Variants in CSGALNACT1 observed in about 807,000 individuals in gnomAD.
The protein encoded by CSGALNACT1 is chondroitin sulfate N-acetylgalactosaminyltransferase 1, also known as beta4GalNAcT-1.
In CSGALNACT1, 52 loss-of-function variants were observed where a neutral mutation model predicts 51.0. The observed-to-expected ratio is 1.02, with a 90% CI of 0.82 to 1.29. The LOEUF (loss-of-function observed/expected upper bound fraction) is 1.29, where lower values mean the gene tolerates loss of function less well. Ranked by LOEUF, CSGALNACT1 falls within the 50% of genes most tolerant of loss-of-function variation. CSGALNACT1 has a pLI of 0.00. For synonymous variants in CSGALNACT1, 341 were observed against 254.4 expected (o/e 1.34, Z -3.24); for missense variants, 935 against 679.2 (o/e 1.38, Z -4.19).
intron 3 of CSGALNACT1, among the ~76,000 whole-genome samples, chr8:19,575,637 A>G (rs1423358524): frequency 6.6e-6 from 1 of 152,256 alleles, no homozygotes; most frequent in Non-Finnish European, 1.5e-5. Context: ...TGGGTATTCT[A>G]GGATACTGAG....
chr8:19,683,391 G>A (rs1177992709), upstream of CSGALNACT1, among the ~76,000 whole-genome samples: 1 of 152,102 alleles, frequency 6.6e-6, no homozygotes, highest in Non-Finnish European at 1.5e-5. Flanking sequence ...TCAGAAAGTA[G>A]AAGCAAGGCA....
chr8:19,564,682 C>T (rs534955728), intron 3 of CSGALNACT1, among the ~76,000 whole-genome samples: 1 of 152,200 alleles, frequency 6.6e-6, no homozygotes, highest in Non-Finnish European at 1.5e-5. Flanking sequence ...AAATCACCTC[C>T]TTCAAGAGGC....
upstream of CSGALNACT1, among the ~76,000 whole-genome samples, chr8:19,687,423 T>C (rs533769779): frequency 3.3e-5 from 5 of 152,304 alleles, no homozygotes; most frequent in Admixed American, 6.5e-5. Flanking sequence ...AAATATATTA[T>C]ATATGTGCAT....
At chr8:19,458,308 G>A in intron 5 of CSGALNACT1, 118 bp downstream of exon 4, 1 of 913,508 alleles carries the variant, frequency 1.1e-6, no homozygotes, top group South Asian at 1.3e-5. Flanking sequence ...AAACAGAGCT[G>A]AATAAGAGAA....
At chr8:19,605,547 A>T (rs2051251736), upstream of CSGALNACT1, among the ~76,000 whole-genome samples, 1 of 152,168 alleles carries the variant, frequency 6.6e-6, no homozygotes, top group Non-Finnish European at 1.5e-5. Flanking sequence ...TGGCACAGAG[A>T]GTGAGGATTC....
intron 1 of CSGALNACT1, among the ~76,000 whole-genome samples, chr8:19,731,464 C>T (rs2063689979): frequency 6.6e-6 from 1 of 152,178 alleles, no homozygotes; most frequent in South Asian, 2.1e-4. Flanking sequence ...GCCGAGATTA[C>T]ACCACTGCAT....
chr8:19,454,843 CTT>C (rs1320041587), intron 5 of CSGALNACT1, among the ~76,000 whole-genome samples: 10 of 151,888 alleles, frequency 6.6e-5, no homozygotes, highest in Admixed American at 2.6e-4. Context: ...CACTTTTTAA[CTT>C]CAGCGAGATC....
intron 3 of CSGALNACT1, among the ~76,000 whole-genome samples, chr8:19,540,919 C>T (rs1320737502): frequency 6.6e-6 from 1 of 152,190 alleles, no homozygotes; most frequent in Non-Finnish European, 1.5e-5. Context: ...CACTCCTCCA[C>T]TGAGCTATAG....
intron 6 of CSGALNACT1, among the ~76,000 whole-genome samples, chr8:19,427,560 G>A (rs1303588328): frequency 3.9e-5 from 6 of 152,024 alleles, no homozygotes; most frequent in Admixed American, 6.5e-5. Context: ...AGGCCGAGGC[G>A]GGCGGATCAC....
chr8:19,693,655 T>C (rs897103066), intron 1 of CSGALNACT1, among the ~76,000 whole-genome samples: 17 of 152,134 alleles, frequency 1.1e-4, no homozygotes, highest in African/African-American at 3.9e-4. Context: ...TACAGAGCTT[T>C]AGTTCTTACC....
chr8:19,706,322 G>C (rs1462892676), intron 1 of CSGALNACT1, among the ~76,000 whole-genome samples: 1 of 152,174 alleles, frequency 6.6e-6, no homozygotes, highest in Non-Finnish European at 1.5e-5. Flanking sequence ...ATCTGTATCT[G>C]TATTGTCATA....
chr8:19,599,093 T>A (rs532976267), intron 2 of CSGALNACT1, among the ~76,000 whole-genome samples: 1 of 146,816 alleles, frequency 6.8e-6, no homozygotes, highest in African/African-American at 2.5e-5. Flanking sequence ...GGGCCAGAGG[T>A]GGGAGACAGG....
chr8:19,575,847 C>A (rs1272554420), intron 3 of CSGALNACT1, among the ~76,000 whole-genome samples: 3 of 151,988 alleles, frequency 2.0e-5, no homozygotes, highest in Non-Finnish European at 4.4e-5. Context: ...TGTTAATCAT[C>A]AATGAAGTTG....
upstream of CSGALNACT1, among the ~76,000 whole-genome samples, chr8:19,603,373 T>C (rs770135149): frequency 1.3e-5 from 2 of 152,228 alleles, no homozygotes; most frequent in Non-Finnish European, 1.5e-5. Context: ...ACTGTGGGTT[T>C]ACTGTTGGAG....
chr8:19,472,138 T>C (rs1238428737), intron 4 of CSGALNACT1, among the ~76,000 whole-genome samples: 1 of 152,252 alleles, frequency 6.6e-6, no homozygotes. Flanking sequence ...GAGGCAAAGA[T>C]ATTAGGGAGT....
intron 3 of CSGALNACT1, among the ~76,000 whole-genome samples, chr8:19,590,151 C>T (rs1318499592): frequency 6.6e-6 from 1 of 152,188 alleles, no homozygotes; most frequent in Non-Finnish European, 1.5e-5. Context: ...AACCCCTAAC[C>T]TGCCATTAAG....
chr8:19,680,563 CA>C (rs1423901008), intron 1 of CSGALNACT1, among the ~76,000 whole-genome samples: 1,045 of 24,410 alleles, frequency 0.043, 3 homozygotes, highest in Non-Finnish European at 0.055. Context: ...ACCCTCGCCC[CA>C]CCCCCCCCCC....
intron 1 of CSGALNACT1, among the ~76,000 whole-genome samples, chr8:19,700,187 A>G (rs535877104): frequency 3.3e-5 from 5 of 151,872 alleles, no homozygotes; most frequent in Middle Eastern, 3.4e-3. Context: ...AGGCACAATG[A>G]TGTTAAGTCA....
chr8:19,406,446 T>A (rs2054192765), intron 9 of CSGALNACT1, among the ~76,000 whole-genome samples: 1 of 151,976 alleles, frequency 6.6e-6, no homozygotes, highest in Non-Finnish European at 1.5e-5. Context: ...GAATTAGCTA[T>A]TGTTAACAAT....
Sources: allele counts gnomAD v4.1 joint callset (sites outside exome capture counted in the v4.1 genomes callset), GRCh38; gene constraint gnomAD v4.1.1; transcripts MANE v1.5; gene names NCBI Gene and HGNC (gene_info 2026-07-23, HGNC 2026-07-21).